PACS2: variants seen among roughly 807,000 people sequenced by gnomAD.
PACS2 encodes PACS1-like protein.
In PACS2, 36 loss-of-function variants were observed where a neutral mutation model predicts 113.0. The observed-to-expected ratio is 0.32, with a 90% CI of 0.24 to 0.42. The LOEUF is 0.42. Among genes scored for constraint, PACS2 ranks in the 10% least tolerant of loss-of-function variants. The pLI is 1.00. For synonymous variants in PACS2, 589 were observed against 536.1 expected (o/e 1.10, Z -1.36); for missense variants, 1,015 against 1,239.5 (o/e 0.82, Z 2.72).
Position 105,305,012 on chromosome 14 carries a change from C to T in PACS2, c.-83+4033C>T, listed in dbSNP as rs587659788. 3.9e-5 allele frequency among the ~76,000 whole-genome samples: 6 copies of T among 152,314 alleles called. No homozygotes were observed. In the South Asian group the frequency reaches 8.3e-4, roughly 21 times the overall value. ...TGTTCCCCCAAAGTCCATATGTTGA[C>T]GTCCTTGCCCCAAGGCGATGGTTTT... is the stretch of plus-strand genomic sequence containing the variant. On this transcript the variant is annotated intron_variant, in intron 1 of 23. Transcript: ENST00000430725.
At chr14:105,383,215 C>T in intron 15 of PACS2, 144 bp from the exon 16 acceptor site, 1 of 943,754 alleles carries the variant, frequency 1.1e-6, no homozygotes. Context: ...TGTGGGGGTC[C>T]TGGGCTTGGG....
At chr14:105,307,959 G>A (rs755826742) in intron 1 of PACS2, among the ~76,000 whole-genome samples, 4 of 152,168 alleles carry the variant, frequency 2.6e-5, no homozygotes, top group Admixed American at 6.6e-5. Flanking sequence ...GAGGTGGGAG[G>A]ATAGCTTGAG....
In PACS2 at chr14:105,365,623, T is replaced by G. The variant is rs1318294238; in HGVS notation, c.424-1590T>G. On this transcript the variant is annotated intron_variant, in intron 4 of 24. Coordinates refer to ENST00000447393, the MANE Select transcript of PACS2 (RefSeq NM_001100913.3). The surrounding 1 kb of genome is among the most constrained non-coding windows in gnomAD (Gnocchi z 5.1). Reference sequence around the variant, plus strand: ...CCTCTGAGCCCCGTGGAGGTTGGTATGAGCAGGTGCAGCACCACCTGAGCC... The same window carrying G: ...CCTCTGAGCCCCGTGGAGGTTGGTAGGAGCAGGTGCAGCACCACCTGAGCC... Among the ~76,000 whole-genome samples the G allele has an allele frequency of 6.6e-6, 1 of 152,134 alleles. No homozygotes were observed. Among genetic ancestry groups the G allele is most frequent in the Non-Finnish European group, 1.5e-5 (1 of 68,008 alleles).
intron 1 of PACS2, among the ~76,000 whole-genome samples, chr14:105,320,437 A>G (rs1352316066): frequency 1.3e-5 from 2 of 151,954 alleles, no homozygotes; most frequent in Non-Finnish European, 2.9e-5. Context: ...TGGTGTGACC[A>G]TGGCTCAAGC....
At position 105,380,626 on chromosome 14, in the gene PACS2, TC is replaced by T. The variant is rs1372876444; in HGVS notation, c.1126-325del. The stretch of plus-strand genomic sequence containing the variant: ...ACCCGCAGGGTCAGGGCCCCCGGAC[TC>T]CCCCCACCCTCAGGTGGATGGCACC... On this transcript the variant is annotated intron_variant, in intron 11 of 24. Coordinates refer to ENST00000447393, the MANE Select transcript of PACS2 (RefSeq NM_001100913.3). Among the ~76,000 whole-genome samples, 7 of 152,058 alleles carry T rather than the reference TC, an allele frequency of 4.6e-5. No homozygotes were observed. In the East Asian group the frequency reaches 5.8e-4, roughly 13 times the overall value.
In PACS2 at chr14:105,391,638, G is replaced by C. The variant is rs144513472; in HGVS notation, c.2127G>C (p.Ser709=). 7 of 1,609,230 alleles carry C rather than the reference G, an allele frequency of 4.3e-6. No individual in the cohort carries two copies. Among genetic ancestry groups the C allele is most frequent in the South Asian group, 1.1e-5 (1 of 90,810 alleles). The change falls in exon 22 of 25, where the codon TCG becomes TCC. Residue 709 remains serine (S), a synonymous_variant. Coordinates refer to ENST00000447393, the MANE Select transcript of PACS2 (RefSeq NM_001100913.3). ...VEPSSATSGD[S]DDAAPSGSGT... ...TGTGACTCCTCCCCAAAGGCGACTC[G>C]GACGACGCGGCCCCCTCGGGCTCTG...
chr14:105,310,520 C>T (rs1383955069), upstream of PACS2, among the ~76,000 whole-genome samples: 37 of 110,902 alleles, frequency 3.3e-4, no homozygotes, highest in African/African-American at 3.8e-5. Flanking sequence ...ACAGACAGAG[C>T]GAGACTCTGT....
chr14:105,338,279 C>T (rs587713833), intron 1 of PACS2, among the ~76,000 whole-genome samples: 17 of 152,304 alleles, frequency 1.1e-4, no homozygotes, highest in African/African-American at 2.9e-4. Flanking sequence ...AGGGCACGCA[C>T]GTGGGGCACT....
intron 1 of PACS2, among the ~76,000 whole-genome samples, chr14:105,325,929 A>G (rs774572378): frequency 6.6e-6 from 1 of 152,214 alleles, no homozygotes; most frequent in African/African-American, 2.4e-5. Flanking sequence ...GGAGTCCCAC[A>G]TCTGCATCAG....
rs1054523336 is a variant in PACS2, at chr14:105,356,846, G to A, written c.423+1669G>A. Among the ~76,000 whole-genome samples the A allele has an allele frequency of 3.4e-5, 5 of 148,452 alleles. No individual in the cohort carries two copies. Among genetic ancestry groups the A allele is most frequent in the African/African-American group, 1.0e-4 (4 of 38,222 alleles). ...AGGCGATGTCCTGCTGATCCCTGCC[G>A]GTCCCTGTGTTTCCCATTAGCCATT... On this transcript the variant is annotated intron_variant, in intron 4 of 24. Coordinates refer to ENST00000447393, the MANE Select transcript of PACS2 (RefSeq NM_001100913.3). The surrounding 1 kb of genome is among the most constrained non-coding windows in gnomAD (Gnocchi z 4.0).
intron 1 of PACS2, among the ~76,000 whole-genome samples, chr14:105,344,913 G>A (rs1231591153): frequency 6.6e-6 from 1 of 151,598 alleles, no homozygotes; most frequent in Non-Finnish European, 1.5e-5. Flanking sequence ...TTCGAGACCA[G>A]CCTGGCCAAC....
chr14:105,367,115 TGA>T (rs2060968784), intron 4 of PACS2, 96 bp from the exon 5 acceptor site: 3 of 1,139,924 alleles, frequency 2.6e-6, no homozygotes, highest in Admixed American at 2.1e-5. Context: ...TTGCTGTCAC[TGA>T]GAGAGAAAGC....
In PACS2 at chr14:105,329,711, C is replaced by G. The variant is rs2059232649; in HGVS notation, c.119+14674C>G. On this transcript the variant is annotated intron_variant, in intron 1 of 24. Coordinates refer to ENST00000447393, the MANE Select transcript of PACS2 (RefSeq NM_001100913.3). The surrounding 1 kb of genome is among the most constrained non-coding windows in gnomAD (Gnocchi z 6.4). ...CTGGAGTCCTTTCCTGCGTGACTTG[C>G]AAACAGGCCTTGCAGGGCTCTAGTG... is the stretch of plus-strand genomic sequence containing the variant. 6.6e-6 allele frequency among the ~76,000 whole-genome samples: 1 copy of G among 152,156 alleles called. No homozygotes were observed. Among genetic ancestry groups the G allele is most frequent in the East Asian group, 1.9e-4 (1 of 5,198 alleles).
chr14:105,315,044 G>A lies in PACS2; in HGVS notation c.119+7G>A, dbSNP rs1291353411. On this transcript the variant is annotated splice_region_variant and intron_variant, in intron 1 of 24. Coordinates refer to ENST00000447393, the MANE Select transcript of PACS2 (RefSeq NM_001100913.3). The surrounding 1 kb of genome is among the most constrained non-coding windows in gnomAD (Gnocchi z 4.4). ...GCCCCAGCTGCGTGCCCAGGTACGC[G>A]CCGCCCGCCGCGCTTTGTTCCCGCC... is the stretch of plus-strand genomic sequence containing the variant. 1.7e-5 allele frequency: 20 copies of A among 1,171,260 alleles called. No individual in the cohort carries two copies. Among genetic ancestry groups the A allele is most frequent in the East Asian group, 5.1e-5 (1 of 19,684 alleles). 72.6% of individuals were successfully genotyped at this position (1,171,260 alleles called of 1,614,324 possible).
At chr14:105,342,950 AAGAC>A (rs1291406996) in intron 1 of PACS2, among the ~76,000 whole-genome samples, 1 of 151,430 alleles carries the variant, frequency 6.6e-6, no homozygotes, top group African/African-American at 2.4e-5. Flanking sequence ...AAAAAAAAAA[AAGAC>A]AGTATTGTTA....
At chr14:105,380,698 A>G (rs1191210874) in intron 11 of PACS2, among the ~76,000 whole-genome samples, 1 of 151,974 alleles carries the variant, frequency 6.6e-6, no homozygotes, top group Non-Finnish European at 1.5e-5. Context: ...GGGTCTCCTC[A>G]GTTAGGAGGT....
rs587665399 is a variant in PACS2 at position 105,383,161 on chromosome 14, GA to G, written c.1626-197del. On this transcript the variant is annotated intron_variant, in intron 15 of 24. Transcript: ENST00000447393. Reference sequence around the variant, plus strand: ...TGGCCTGTCCTTGGAAGCCTGGGCTGAGGCCATGACTGTGTGGTCCCTCAGC... The same window carrying G: ...TGGCCTGTCCTTGGAAGCCTGGGCTGGGCCATGACTGTGTGGTCCCTCAGC... 1,188 of 669,734 alleles carry G rather than the reference GA, an allele frequency of 1.8e-3. 13 individuals are homozygous for G. In the African/African-American group the frequency reaches 0.019, roughly 11 times the overall value. 41.5% of individuals were successfully genotyped at this position (669,734 alleles called of 1,614,324 possible). A position where few individuals can be genotyped will look rare whatever the true frequency, so the allele number is the denominator to read the frequency against.
rs2060950387 is a variant in PACS2 at position 105,366,605 on chromosome 14, CCT to C, written c.424-607_424-606del. The stretch of plus-strand genomic sequence containing the variant: ...AGTGCCTCACAACAGAGGAGCTGGA[CCT>C]GGCCTGTGAGCCAGGCCTGGTGGGT... On this transcript the variant is annotated intron_variant, in intron 4 of 24. Transcript: ENST00000447393. The surrounding 1 kb of genome is among the most constrained non-coding windows in gnomAD (Gnocchi z 4.3). Among the ~76,000 whole-genome samples, 1 of 152,202 alleles carries C rather than the reference CCT, an allele frequency of 6.6e-6. No homozygotes were observed. Among genetic ancestry groups the C allele is most frequent in the South Asian group, 2.1e-4 (1 of 4,832 alleles).
intron 6 of PACS2, 94 bp from the exon 7 acceptor site, chr14:105,368,365 C>T: frequency 1.0e-6 from 1 of 997,682 alleles, no homozygotes; most frequent in Non-Finnish European, 1.6e-6. Flanking sequence ...GCTCTCAGTG[C>T]CGGGCCTCTC....
Sources: allele counts gnomAD v4.1 joint callset (sites outside exome capture counted in the v4.1 genomes callset), GRCh38; gene constraint gnomAD v4.1.1; non-coding constraint Gnocchi (gnomAD v3.1); transcripts MANE v1.5; gene names NCBI Gene and HGNC (gene_info 2026-07-23, HGNC 2026-07-21).